TNR: variants seen among roughly 807,000 people sequenced by gnomAD.
TNR encodes tenascin R.
A neutral mutation model predicts 150.4 loss-of-function variants in TNR; 45 were observed. The ratio of observed to expected loss-of-function variants is 0.30; its 90% CI spans 0.24 to 0.38. TNR has a LOEUF of 0.38. Ranked by LOEUF, TNR falls within the 10% of genes least tolerant of loss-of-function variation. The probability of loss-of-function intolerance (pLI) is 1.00; values close to 1 mark genes in which losing one functional copy is unlikely to be tolerated. For synonymous variants in TNR, 687 were observed against 678.4 expected (o/e 1.01, Z -0.20); for missense variants, 1,544 against 1,759.1 (o/e 0.88, Z 2.19).
intron 1 of TNR, among the ~76,000 whole-genome samples, chr1:175,697,864 C>A (rs1289286019): frequency 6.6e-6 from 1 of 152,304 alleles, no homozygotes; most frequent in African/African-American, 2.4e-5. Context: ...CCACTCCCAT[C>A]CTCATTTTGC....
At chr1:175,471,908 G>T (rs1310874427) in intron 2 of TNR, among the ~76,000 whole-genome samples, 1 of 151,870 alleles carries the variant, frequency 6.6e-6, no homozygotes, top group East Asian at 1.9e-4. Flanking sequence ...TTCTTTTTTA[G>T]ATCCCCATTT....
intron 1 of TNR, among the ~76,000 whole-genome samples, chr1:175,565,516 C>G (rs930442537): frequency 1.3e-5 from 2 of 152,206 alleles, no homozygotes; most frequent in African/African-American, 4.8e-5. Context: ...TCACTGAGAT[C>G]CAACCCTAGA....
In TNR at chr1:175,367,219, T is replaced by C. The variant is rs760141713; in HGVS notation, c.2042A>G (p.Asn681Ser). ...GTCCTCCTACTCACCAGTCCTGGCA[T>C]TCATGGTGGCTGGCACGCTTTGCTG... is the stretch of plus-strand genomic sequence containing the variant. ...NSQQSVPATM[N>S]ARTELDSPRD... Residue 681 changes from asparagine to serine, a missense_variant, in exon 10 of 23, where the codon AAT becomes AGT. Physicochemically the swap from Asn to Ser is conservative, Grantham distance 46. This residue lies in a region of TNR where 1,254 missense variants were observed against 1,329.4 expected (regional missense o/e 0.94). Transcript: ENST00000367674. 6.2e-7 allele frequency: 1 copy of C among 1,614,140 alleles called. No homozygotes were observed. The highest frequency in any genetic ancestry group is 8.5e-7 in the Non-Finnish European group (1 of 1,179,990).
intron 2 of TNR, among the ~76,000 whole-genome samples, chr1:175,495,443 G>A (rs1658446765): frequency 6.6e-6 from 1 of 152,198 alleles, no homozygotes; most frequent in Admixed American, 6.5e-5. Context: ...ACAAAGATGT[G>A]AAAGATGATC....
At chr1:175,345,310 C>T (rs898133013) in intron 18 of TNR, among the ~76,000 whole-genome samples, 8 of 152,042 alleles carry the variant, frequency 5.3e-5, no homozygotes, top group South Asian at 2.1e-4. Context: ...GCAGAGGAGC[C>T]GATAACCCCA....
chr1:175,537,339 C>T lies in TNR; in HGVS notation c.-164-8970G>A, dbSNP rs904158165. On this transcript the variant is annotated intron_variant, in intron 1 of 22. Transcript: ENST00000367674. The stretch of plus-strand genomic sequence containing the variant: ...ACCTGATATAAAGCCCTTCCTTGCC[C>T]GGGTGTGGACCTAGGGGAATATTTC... Among the ~76,000 whole-genome samples the T allele has an allele frequency of 4.6e-5, 7 of 152,138 alleles. No individual in the cohort carries two copies. In the South Asian group the frequency reaches 8.3e-4, roughly 18 times the overall value.
At chr1:175,625,452 C>CT (rs1553248487) in intron 1 of TNR, among the ~76,000 whole-genome samples, 4 of 152,166 alleles carry the variant, frequency 2.6e-5, no homozygotes, top group Non-Finnish European at 5.9e-5. Context: ...GGGAAATGTG[C>CT]TTTTTTGGCC....
rs746969510 is a variant in TNR, at chr1:175,386,099, G to A, written c.1710C>T (p.Tyr570=). ...CTCGGACGGCACTGACTGACACCTCGTATCGGGAGCCAGGCCGCAGGGCCT... is the reference window on the plus strand; with the variant it reads ...CTCGGACGGCACTGACTGACACCTCATATCGGGAGCCAGGCCGCAGGGCCT... ...SVQALRPGSR[Y]EVSVSAVRGT... The change falls in exon 8 of 23, where the codon TAC becomes TAT. Residue 570 remains tyrosine, a synonymous_variant. Coordinates refer to ENST00000367674, the MANE Select transcript of TNR (RefSeq NM_003285.3). 1.6e-4 allele frequency: 251 copies of A among 1,612,490 alleles called. No homozygotes were observed. Among genetic ancestry groups the A allele is most frequent in the Non-Finnish European group, 1.4e-4 (167 of 1,178,884 alleles).
At chr1:175,587,402 T>C (rs1251919302) in intron 1 of TNR, among the ~76,000 whole-genome samples, 1 of 152,250 alleles carries the variant, frequency 6.6e-6, no homozygotes, top group Non-Finnish European at 1.5e-5. Flanking sequence ...CTTTTGAGCT[T>C]CAGTTTTCTC....
At chr1:175,630,832 G>A (rs555896946) in intron 1 of TNR, among the ~76,000 whole-genome samples, 21 of 151,966 alleles carry the variant, frequency 1.4e-4, no homozygotes, top group East Asian at 1.9e-4. Context: ...AAAGGAAGCC[G>A]GACAGCTTAT....
intron 2 of TNR, among the ~76,000 whole-genome samples, chr1:175,434,546 G>C (rs1035357281): frequency 1.3e-5 from 2 of 152,118 alleles, no homozygotes; most frequent in African/African-American, 4.8e-5. Flanking sequence ...AGTTTATCAA[G>C]TTACTGAATA....
intron 1 of TNR, among the ~76,000 whole-genome samples, chr1:175,561,215 A>G (rs926320456): frequency 2.0e-5 from 3 of 152,134 alleles, no homozygotes; most frequent in African/African-American, 4.8e-5. Context: ...TCCTTTCTAC[A>G]TAGTATTAAT....
chr1:175,336,243 G>A (rs1216217369), intron 19 of TNR, among the ~76,000 whole-genome samples: 3 of 152,196 alleles, frequency 2.0e-5, no homozygotes, highest in Non-Finnish European at 4.4e-5. Context: ...CCTATTGCAG[G>A]CAAAGCAATA....
At chr1:175,346,621 A>T (rs944742134) in intron 18 of TNR, among the ~76,000 whole-genome samples, 13 of 152,202 alleles carry the variant, frequency 8.5e-5, no homozygotes, top group African/African-American at 3.1e-4. Flanking sequence ...ATAATAAAAC[A>T]ATGAAAAGTC....
At chr1:175,733,684 C>A (rs1667699792) in intron 1 of TNR, among the ~76,000 whole-genome samples, 1 of 152,178 alleles carries the variant, frequency 6.6e-6, no homozygotes, top group Non-Finnish European at 1.5e-5. Flanking sequence ...CCTCCCCACA[C>A]CCTACTCGGA....
intron 2 of TNR, among the ~76,000 whole-genome samples, chr1:175,408,872 T>C (rs1269286249): frequency 6.6e-6 from 1 of 152,194 alleles, no homozygotes; most frequent in Non-Finnish European, 1.5e-5. Context: ...TGTTATCCAT[T>C]TGTGGACAGC....
rs1003412377 is a variant in TNR, at chr1:175,508,209, T to C, written c.-64+20060A>G. ...GGTTGATATGTGCAGCAAACCACCA[T>C]GGCACATTCATATCTATGTAACAAA... On this transcript the variant is annotated intron_variant, in intron 2 of 22. Transcript: ENST00000367674. Among the ~76,000 whole-genome samples the C allele has an allele frequency of 2.0e-5, 3 of 152,206 alleles. No homozygotes were observed. In the East Asian group the frequency reaches 5.8e-4, roughly 29 times the overall value.
At chr1:175,592,060 C>T (rs1662821603) in intron 1 of TNR, among the ~76,000 whole-genome samples, 1 of 152,126 alleles carries the variant, frequency 6.6e-6, no homozygotes, top group Non-Finnish European at 1.5e-5. Flanking sequence ...TTTTTTACTG[C>T]AGCATCATGT....
At chr1:175,636,142 C>T (rs1024099484) in intron 1 of TNR, among the ~76,000 whole-genome samples, 1 of 152,178 alleles carries the variant, frequency 6.6e-6, no homozygotes, top group African/African-American at 2.4e-5. Context: ...AAGGCAGTAT[C>T]TAAATAGCCT....
Sources: allele counts gnomAD v4.1 joint callset (sites outside exome capture counted in the v4.1 genomes callset), GRCh38; gene constraint gnomAD v4.1.1; regional missense constraint gnomAD v4.1.1; transcripts MANE v1.5; gene names NCBI Gene and HGNC (gene_info 2026-07-23, HGNC 2026-07-21).